Variants in KIF26B observed in about 807,000 individuals in gnomAD.
KIF26B encodes kinesin-like protein KIF26B.
In KIF26B, 63 loss-of-function variants were observed where a neutral mutation model predicts 151.2. That is an observed-to-expected ratio of 0.42 (90% confidence interval 0.34 to 0.51). The LOEUF (loss-of-function observed/expected upper bound fraction) is 0.51, where lower values mean the gene tolerates loss of function less well. KIF26B is among the 20% of genes least tolerant of loss of function. The probability of loss-of-function intolerance (pLI) is 0.07; values close to 1 mark genes in which losing one functional copy is unlikely to be tolerated. For missense variants in KIF26B, 2,813 were observed against 2,913.6 expected (o/e 0.97, Z 0.79); for synonymous variants, 1,357 against 1,262.1 (o/e 1.08, Z -1.59).
At chr1:245,656,148 T>C (rs949067573) in intron 10 of KIF26B, among the ~76,000 whole-genome samples, 3 of 152,160 alleles carry the variant, frequency 2.0e-5, no homozygotes, top group African/African-American at 7.2e-5. Context: ...TTGGGCAACT[T>C]ACAGTGTAGC....
chr1:245,293,839 A>G (rs185589112), intron 2 of KIF26B, among the ~76,000 whole-genome samples: 81 of 152,268 alleles, frequency 5.3e-4, no homozygotes, highest in African/African-American at 1.8e-3. Flanking sequence ...CGGCCTCCCA[A>G]AGTGCTGGGA....
intron 5 of KIF26B, among the ~76,000 whole-genome samples, chr1:245,567,717 T>C (rs1295041363): frequency 6.6e-6 from 1 of 152,128 alleles, no homozygotes; most frequent in Non-Finnish European, 1.5e-5. Flanking sequence ...GAGCAGGCCT[T>C]TGCAAAATTT....
chr1:245,364,454 GT>G (rs1319571172), intron 2 of KIF26B, among the ~76,000 whole-genome samples: 1 of 132,606 alleles, frequency 7.5e-6, no homozygotes, highest in African/African-American at 2.9e-5. Flanking sequence ...TTGAGATGGA[GT>G]CTTGCTCTGT....
chr1:245,369,327 A>T (rs925862010), intron 3 of KIF26B, among the ~76,000 whole-genome samples: 2 of 152,204 alleles, frequency 1.3e-5, no homozygotes, highest in Non-Finnish European at 2.9e-5. Flanking sequence ...TAGTTTTGTT[A>T]CGCCGGACAA....
rs2044866507 is a variant in KIF26B, at chr1:245,708,280, G to C, written c.*5674G>C. ...TGGGAAGTGCTTTGAAGAAATTAAA[G>C]GTCTGTCTAGGAGCTGGGGGTAATC... On this transcript the variant is annotated 3_prime_UTR_variant, in exon 15 of 15. Coordinates refer to ENST00000407071, the MANE Select transcript of KIF26B (RefSeq NM_018012.4). 1 of 152,236 alleles carries C rather than the reference G, an allele frequency of 6.6e-6. No individual in the cohort carries two copies. The highest frequency in any genetic ancestry group is 1.5e-5 in the Non-Finnish European group (1 of 68,058). The allele number at this position is 152,236 out of a possible 1,614,324, so 9.4% of individuals were successfully genotyped here.
At chr1:245,300,925 G>C (rs945967395) in intron 2 of KIF26B, among the ~76,000 whole-genome samples, 1 of 151,366 alleles carries the variant, frequency 6.6e-6, no homozygotes, top group African/African-American at 2.4e-5. Flanking sequence ...CTGCCTCCTG[G>C]GTTCAAGCGA....
intron 2 of KIF26B, among the ~76,000 whole-genome samples, chr1:245,225,532 CATGT>C (rs1669856681): frequency 6.6e-6 from 1 of 152,208 alleles, no homozygotes; most frequent in African/African-American, 2.4e-5. Context: ...TTGCTCCTGC[CATGT>C]AATGATTCCT....
In KIF26B at chr1:245,560,018, C is replaced by T. The variant is rs1208188469; in HGVS notation, c.1350+19068C>T. Among the ~76,000 whole-genome samples the T allele has an allele frequency of 1.3e-5, 2 of 152,096 alleles. No homozygotes were observed. The highest frequency in any genetic ancestry group is 2.9e-5 in the Non-Finnish European group (2 of 68,028). ...TCGTCTCTGCCAGGGATGCTCGTCT[C>T]TCATTCGTTTTTTTGGCGTGGAAAC... On this transcript the variant is annotated intron_variant, in intron 5 of 14. Coordinates refer to ENST00000407071, the MANE Select transcript of KIF26B (RefSeq NM_018012.4). This position sits in a 1 kb window ranked among gnomAD's most constrained non-coding sequence, Gnocchi z 4.3.
intron 9 of KIF26B, among the ~76,000 whole-genome samples, chr1:245,639,871 G>A (rs1396352890): frequency 6.6e-6 from 1 of 151,668 alleles, no homozygotes; most frequent in Non-Finnish European, 1.5e-5. Flanking sequence ...CATGTTTTGT[G>A]GCCTATCATA....
chr1:245,522,073 G>A (rs373413482), intron 4 of KIF26B, among the ~76,000 whole-genome samples: 1 of 152,116 alleles, frequency 6.6e-6, no homozygotes, highest in South Asian at 2.1e-4. Flanking sequence ...GTTTCACCGT[G>A]TTAGCCAGGA....
At chr1:245,286,418 T>G (rs1671164877) in intron 2 of KIF26B, among the ~76,000 whole-genome samples, 3 of 152,082 alleles carry the variant, frequency 2.0e-5, no homozygotes, top group African/African-American at 7.2e-5. Flanking sequence ...TGTGCACACC[T>G]GTAATCCCAG....
intron 4 of KIF26B, among the ~76,000 whole-genome samples, chr1:245,522,086 G>A (rs983122273): frequency 2.6e-5 from 4 of 152,190 alleles, no homozygotes; most frequent in East Asian, 1.9e-4. Context: ...AGCCAGGATG[G>A]TCTCGATCTC....
chr1:245,628,195 C>T (rs778200817), intron 9 of KIF26B, among the ~76,000 whole-genome samples: 56 of 152,262 alleles, frequency 3.7e-4, no homozygotes, highest in South Asian at 8.3e-4. Flanking sequence ...GAAACTTGGC[C>T]GGGCACGGTG....
chr1:245,348,166 T>A lies in KIF26B; in HGVS notation c.466-18668T>A, dbSNP rs140594234. 1.7e-4 allele frequency among the ~76,000 whole-genome samples: 26 copies of A among 152,338 alleles called. No homozygotes were observed. In the East Asian group the frequency reaches 4.8e-3, roughly 28 times the overall value. On this transcript the variant is annotated intron_variant, in intron 2 of 14. Coordinates refer to ENST00000407071, the MANE Select transcript of KIF26B (RefSeq NM_018012.4). ...CTTTGAGCTCACTACCTATTCCTTC[T>A]CAATACCTTGTGCTGGTTTCCTCTC...
intron 4 of KIF26B, among the ~76,000 whole-genome samples, chr1:245,423,135 A>T (rs575282698): frequency 2.4e-4 from 37 of 151,502 alleles, no homozygotes; most frequent in African/African-American, 8.5e-4. Flanking sequence ...GAAAGAAAGA[A>T]GCAACAGCTA....
intron 2 of KIF26B, among the ~76,000 whole-genome samples, chr1:245,300,404 C>T (rs1194498107): frequency 6.6e-6 from 1 of 152,164 alleles, no homozygotes; most frequent in Admixed American, 6.5e-5. Context: ...AGTCCCAGGT[C>T]AAGCCAACTC....
chr1:245,169,494 C>T (rs931859884), intron 2 of KIF26B, among the ~76,000 whole-genome samples: 8 of 152,018 alleles, frequency 5.3e-5, no homozygotes, highest in Admixed American at 3.9e-4. Flanking sequence ...TAAAGTGGGC[C>T]GTGCAATTAC....
intron 2 of KIF26B, among the ~76,000 whole-genome samples, chr1:245,190,634 G>GTTTTTTTTTT (rs149338802): frequency 6.6e-5 from 7 of 106,844 alleles, no homozygotes; most frequent in Admixed American, 9.7e-5. Context: ...TGAATGTTTT[G>GTTTTTTTTTT]TTTTGTTTTT....
intron 4 of KIF26B, among the ~76,000 whole-genome samples, chr1:245,535,611 A>T (rs1287693412): frequency 6.6e-6 from 1 of 152,122 alleles, no homozygotes; most frequent in Non-Finnish European, 1.5e-5. Context: ...AAACACACTC[A>T]CTATTTTATG....
Sources: gnomAD v4.1 joint callset for allele counts (sites outside exome capture counted in the v4.1 genomes callset) on GRCh38, gnomAD v4.1.1 for gene constraint, Gnocchi (gnomAD v3.1) non-coding constraint, MANE v1.5 for transcripts, NCBI Gene and HGNC (gene_info 2026-07-23, HGNC 2026-07-21) for gene names.